Variants in PRKN observed in about 807,000 individuals in gnomAD.
PRKN encodes the protein parkin RBR E3 ubiquitin protein ligase.
A neutral mutation model predicts 59.5 loss-of-function variants in PRKN; 56 were observed. That is an observed-to-expected ratio of 0.94 (90% CI 0.76 to 1.18). PRKN has a LOEUF of 1.18. Among genes scored for constraint, PRKN ranks in the 50% most tolerant of loss-of-function variants. The pLI is 0.00. For missense variants in PRKN, 657 were observed against 596.4 expected, an observed-to-expected ratio of 1.10 and a Z score of -1.06; for synonymous variants, 250 against 222.1, an observed-to-expected ratio of 1.13 and a Z score of -1.12.
In PRKN at chr6:162,240,216, T is replaced by TA. The variant is rs1428796768; in HGVS notation, c.412+22308dup. 1.3e-3 allele frequency among the ~76,000 whole-genome samples: 196 copies of TA among 152,278 alleles called. 1 individual carries two copies. The highest frequency in any genetic ancestry group is 4.3e-3 in the African/African-American group (180 of 41,562). ...AAATGAGGAGCCAGAGAAAAACAAT[T>TA]AAAAATTTTTTAAAATAAGATCTTT... On this transcript the variant is annotated intron_variant, in intron 3 of 11. Coordinates refer to ENST00000366898, the MANE Select transcript of PRKN (RefSeq NM_004562.3).
At chr6:162,106,478 T>C (rs1229678425) in intron 4 of PRKN, among the ~76,000 whole-genome samples, 2 of 150,176 alleles carry the variant, frequency 1.3e-5, no homozygotes, top group Admixed American at 6.7e-5. Context: ...TAAATGGTAA[T>C]ACAACCAAGC....
intron 1 of PRKN, among the ~76,000 whole-genome samples, chr6:162,572,184 C>T (rs956835854): frequency 6.6e-6 from 1 of 152,132 alleles, no homozygotes; most frequent in African/African-American, 2.4e-5. Context: ...CTGAAGGTGG[C>T]CTTCAGTCTG....
intron 7 of PRKN, among the ~76,000 whole-genome samples, chr6:161,782,677 T>C (rs1790256142): frequency 6.8e-6 from 1 of 147,468 alleles, no homozygotes; most frequent in East Asian, 2.0e-4. Context: ...GCGGATCACC[T>C]GAGGTCAGGA....
chr6:162,543,761 A>G (rs1350502558), intron 1 of PRKN, among the ~76,000 whole-genome samples: 6 of 152,074 alleles, frequency 3.9e-5, no homozygotes, highest in Non-Finnish European at 8.8e-5. Context: ...TAGAGCTTTC[A>G]TCATCTTAAC....
chr6:162,594,067 T>G (rs1014302041), intron 1 of PRKN, among the ~76,000 whole-genome samples: 2 of 151,978 alleles, frequency 1.3e-5, no homozygotes. Context: ...GGAGAATCAC[T>G]TGAACCTAGG....
intron 6 of PRKN, among the ~76,000 whole-genome samples, chr6:161,851,707 A>G (rs1793442012): frequency 6.8e-6 from 1 of 147,340 alleles, no homozygotes. Context: ...TCTGGTCTCG[A>G]ACTCCTGACC....
At chr6:161,957,256 A>T (rs1489549419) in intron 6 of PRKN, among the ~76,000 whole-genome samples, 4 of 152,216 alleles carry the variant, frequency 2.6e-5, no homozygotes, top group African/African-American at 9.7e-5. Context: ...CTATCACCAC[A>T]ACCTTGATAC....
At chr6:161,695,659 C>G (rs1355038517) in intron 7 of PRKN, among the ~76,000 whole-genome samples, 2 of 152,152 alleles carry the variant, frequency 1.3e-5, no homozygotes, top group Non-Finnish European at 2.9e-5. Context: ...CTTTGTAGAG[C>G]AGAAGTCTTT....
At chr6:162,296,597 A>T (rs1562648971) in intron 2 of PRKN, among the ~76,000 whole-genome samples, 1 of 152,152 alleles carries the variant, frequency 6.6e-6, no homozygotes, top group Non-Finnish European at 1.5e-5. Flanking sequence ...CAACCAAATT[A>T]TTATGTGCCA....
At position 161,545,514 on chromosome 6, in the gene PRKN, G is replaced by C; in HGVS notation, c.1083+3340C>G. On this transcript the variant is annotated intron_variant, in intron 9 of 11. Transcript: ENST00000366898. This position sits in a 1 kb window ranked among gnomAD's most constrained non-coding sequence, Gnocchi z 4.1. ...TTTGGCCATGTTCTACTTCTGAAAT[G>C]ACATAATCTAACCACAATTTCTTCC... 9.4e-7 allele frequency: 1 copy of C among 1,062,064 alleles called. No homozygotes were observed. Among genetic ancestry groups the C allele is most frequent in the Non-Finnish European group, 1.5e-6 (1 of 687,912 alleles). The allele number at this position is 1,062,064 out of a possible 1,614,324, so 65.8% of individuals were successfully genotyped here. A position where few individuals can be genotyped will look rare whatever the true frequency, so the allele number is the denominator to read the frequency against.
intron 7 of PRKN, among the ~76,000 whole-genome samples, chr6:161,596,075 G>A (rs981103010): frequency 1.3e-5 from 2 of 152,190 alleles, no homozygotes; most frequent in Non-Finnish European, 2.9e-5. Context: ...AGTGGGGACT[G>A]CAAGGAGACT....
At chr6:162,302,961 CAT>C (rs1231478745) in intron 2 of PRKN, among the ~76,000 whole-genome samples, 7 of 106,980 alleles carry the variant, frequency 6.5e-5, no homozygotes, top group African/African-American at 3.1e-4. Flanking sequence ...ATGCCTTAAA[CAT>C]ACACACACAC....
At chr6:161,925,558 G>A (rs930991698) in intron 6 of PRKN, among the ~76,000 whole-genome samples, 1 of 152,046 alleles carries the variant, frequency 6.6e-6, no homozygotes, top group African/African-American at 2.4e-5. Flanking sequence ...GCGATAGAGT[G>A]AGACTCCATC....
At chr6:162,325,877 A>G (rs1783247998) in intron 2 of PRKN, among the ~76,000 whole-genome samples, 1 of 152,302 alleles carries the variant, frequency 6.6e-6, no homozygotes, top group East Asian at 1.9e-4. Flanking sequence ...TATACATTTT[A>G]TAAATTTGTT....
At chr6:161,500,528 G>A (rs1456513905) in intron 9 of PRKN, among the ~76,000 whole-genome samples, 3 of 152,136 alleles carry the variant, frequency 2.0e-5, no homozygotes, top group Non-Finnish European at 2.9e-5. Flanking sequence ...GCCTTTTCTA[G>A]AATATCATAT....
At chr6:162,302,069 A>G (rs962948980) in intron 2 of PRKN, among the ~76,000 whole-genome samples, 12 of 152,066 alleles carry the variant, frequency 7.9e-5, no homozygotes, top group Admixed American at 4.6e-4. Context: ...ACTACTTTTC[A>G]CTATTCCTGT....
chr6:161,778,671 A>C (rs905628961), intron 7 of PRKN, among the ~76,000 whole-genome samples: 8 of 152,100 alleles, frequency 5.3e-5, no homozygotes, highest in African/African-American at 1.9e-4. Flanking sequence ...AGGTCCAGCC[A>C]TTTTATACAA....
At chr6:162,652,844 T>TTAG (rs1778497644) in intron 1 of PRKN, among the ~76,000 whole-genome samples, 1 of 152,124 alleles carries the variant, frequency 6.6e-6, no homozygotes, top group Non-Finnish European at 1.5e-5. Context: ...AACCCCCCGA[T>TTAG]AAGATTTATT....
intron 9 of PRKN, among the ~76,000 whole-genome samples, chr6:161,490,386 C>CTT (rs34217261): frequency 0.6 from 67,264 of 111,746 alleles, 21,788 homozygotes; most frequent in Non-Finnish European, 0.67. Context: ...TCTTTCTTTC[C>CTT]TTTTTTTTTT....
Sources: allele counts gnomAD v4.1 joint callset (sites outside exome capture counted in the v4.1 genomes callset), GRCh38; gene constraint gnomAD v4.1.1; non-coding constraint Gnocchi (gnomAD v3.1); transcripts MANE v1.5; gene names NCBI Gene and HGNC (gene_info 2026-07-23, HGNC 2026-07-21).